The following ANKRD10 variants were observed in gnomAD, a reference collection of about 807,000 sequenced individuals.
ANKRD10 encodes ankyrin repeat domain 10.
In ANKRD10, 14 loss-of-function variants were observed where a neutral mutation model predicts 27.0. The observed-to-expected ratio is 0.52, with a 90% confidence interval of 0.34 to 0.81. The LOEUF is 0.81. ANKRD10 is among the 40% of genes least tolerant of loss of function. The pLI is 0.01. For missense variants in ANKRD10, 493 were observed against 544.0 expected (o/e 0.91, Z 0.93); for synonymous variants, 250 against 224.5 (o/e 1.11, Z -1.01).
At chr13:110,914,004 C>A (rs759351208) in intron 1 of ANKRD10, among the ~76,000 whole-genome samples, 2 of 152,188 alleles carry the variant, frequency 1.3e-5, no homozygotes, top group African/African-American at 4.8e-5. Context: ...GAGAATTCTG[C>A]TTAATTTAAC....
chr13:110,914,537 C>T (rs1025354385), intron 1 of ANKRD10, 188 bp downstream of exon 1: 1 of 790,532 alleles, frequency 1.3e-6, no homozygotes, highest in Non-Finnish European at 1.7e-6. Context: ...CCCCGGCTGC[C>T]CCGCCGCGAC....
At chr13:110,886,879 GACC>G (rs781572169) in intron 4 of ANKRD10, among the ~76,000 whole-genome samples, 22 of 152,182 alleles carry the variant, frequency 1.4e-4, no homozygotes, top group Non-Finnish European at 2.9e-4. Context: ...ATGTTAGTAT[GACC>G]ACTTTTTTCA....
chr13:110,880,162 G>A lies in ANKRD10; in HGVS notation c.788-50C>T, dbSNP rs780703108. The A allele has an allele frequency of 2.0e-5, 30 of 1,479,010 alleles. No homozygotes were observed. In the South Asian group the frequency reaches 3.1e-4, roughly 15 times the overall value. 91.6% of individuals were successfully genotyped at this position (1,479,010 alleles called of 1,614,324 possible). On this transcript the variant is annotated intron_variant, in intron 5 of 5. Transcript: ENST00000267339. ...CCAAAATTCAGAACCAATGAGGGAG[G>A]AGAAACTATAAAATGCTTCACTGCC...
intron 3 of ANKRD10, among the ~76,000 whole-genome samples, chr13:110,896,755 T>A (rs1451375261): frequency 6.6e-6 from 1 of 152,254 alleles, no homozygotes; most frequent in Non-Finnish European, 1.5e-5. Context: ...GCTTTATTTA[T>A]GAACACTGAA....
chr13:110,913,747 A>AT (rs1439240086), intron 1 of ANKRD10, among the ~76,000 whole-genome samples: 1 of 152,186 alleles, frequency 6.6e-6, no homozygotes, highest in Non-Finnish European at 1.5e-5. Flanking sequence ...ACCCCATCTC[A>AT]TCACTTACGA....
chr13:110,891,774 G>A (rs983003109), intron 4 of ANKRD10, among the ~76,000 whole-genome samples: 5 of 151,474 alleles, frequency 3.3e-5, no homozygotes, highest in African/African-American at 1.2e-4. Context: ...CAGCAAATCT[G>A]AGCTCATAAT....
rs759619983 is a variant in ANKRD10 at position 110,879,916 on chromosome 13, A to G, written c.984T>C (p.Ile328=). ...TCTTCTCTGGCTCCTCAGTCCCACT[A>G]ATGCAGAGAGAACCCTGGCTACTCG... ...PFPSSQGSLC[I]SGTEEPEKTL... Residue 328 remains isoleucine, a synonymous_variant, in exon 6 of 6, where the codon ATT becomes ATC. Coordinates refer to ENST00000267339, the MANE Select transcript of ANKRD10 (RefSeq NM_017664.4). 1.9e-6 allele frequency: 3 copies of G among 1,614,182 alleles called. No homozygotes were observed. Among genetic ancestry groups the G allele is most frequent in the East Asian group, 4.5e-5 (2 of 44,884 alleles).
intron 3 of ANKRD10, among the ~76,000 whole-genome samples, chr13:110,897,850 G>A (rs569351027): frequency 1.3e-4 from 20 of 152,224 alleles, no homozygotes; most frequent in Admixed American, 3.9e-4. Flanking sequence ...CTGCATTCTC[G>A]TCAGCATTTG....
intron 1 of ANKRD10, chr13:110,914,390 G>GCTCGCACA (rs2065819567): frequency 5.3e-6 from 1 of 188,238 alleles, no homozygotes. Flanking sequence ...GCGCGCGCGC[G>GCTCGCACA]CTCGCACAGG....
chr13:110,883,570 G>A (rs2064857757), intron 5 of ANKRD10, 128 bp downstream of exon 5: 1 of 1,425,592 alleles, frequency 7.0e-7, no homozygotes, highest in South Asian at 1.7e-5. Context: ...TGCAACGACA[G>A]GGGGTCTGCA....
In ANKRD10 at chr13:110,887,099, C is replaced by T. The variant is rs183248038; in HGVS notation, c.692-3306G>A. 1.4e-3 allele frequency among the ~76,000 whole-genome samples: 215 copies of T among 152,306 alleles called. 2 individuals are homozygous for T. Among genetic ancestry groups the T allele is most frequent in the African/African-American group, 4.6e-3 (190 of 41,564 alleles). On this transcript the variant is annotated intron_variant, in intron 4 of 5. Transcript: ENST00000267339. The stretch of plus-strand genomic sequence containing the variant: ...AGTGAGAACTAGAGCCAGTAGAGCA[C>T]GCCTCTGGCTGAGAAACCCACATTC...
At chr13:110,906,205 CAG>C (rs1396014466) in intron 2 of ANKRD10, 81 bp from the exon 3 acceptor site, 9 of 1,051,592 alleles carry the variant, frequency 8.6e-6, no homozygotes, top group Non-Finnish European at 1.2e-5. Context: ...TAACACAGAT[CAG>C]AGACCTTCTC....
rs1439335508 is a variant in ANKRD10, at chr13:110,915,057, G to C, written c.-123C>G. ...CCGCGGTCGCGTCCCACAGGCTGCC[G>C]AGCGGAGCGCGCACAGAGGGGGCGG... On this transcript the variant is annotated 5_prime_UTR_variant, in exon 1 of 6. Coordinates refer to ENST00000267339, the MANE Select transcript of ANKRD10 (RefSeq NM_017664.4). The C allele has an allele frequency of 6.4e-6, 9 of 1,414,402 alleles. No individual in the cohort carries two copies. Among genetic ancestry groups the C allele is most frequent in the African/African-American group, 3.0e-5 (2 of 66,632 alleles). 87.6% of individuals were successfully genotyped at this position (1,414,402 alleles called of 1,614,324 possible).
chr13:110,895,735 T>G (rs778242022), intron 3 of ANKRD10, among the ~76,000 whole-genome samples: 3 of 152,224 alleles, frequency 2.0e-5, no homozygotes, highest in Non-Finnish European at 4.4e-5. Context: ...GAATTTGGGT[T>G]AGAACAGCAA....
At chr13:110,911,451 C>T (rs1371879445) in intron 1 of ANKRD10, among the ~76,000 whole-genome samples, 1 of 148,692 alleles carries the variant, frequency 6.7e-6, no homozygotes, top group Non-Finnish European at 1.5e-5. Context: ...GTCTCCATCT[C>T]AAACACCAAC....
intron 4 of ANKRD10, among the ~76,000 whole-genome samples, chr13:110,884,935 T>A (rs1158356710): frequency 2.6e-5 from 4 of 152,100 alleles, no homozygotes; most frequent in Non-Finnish European, 5.9e-5. Flanking sequence ...GTATATATGA[T>A]ATCTGGATTA....
intron 3 of ANKRD10, chr13:110,903,989 T>C (rs1382248849): frequency 1.3e-5 from 2 of 152,214 alleles, no homozygotes; most frequent in Non-Finnish European, 2.9e-5. Context: ...CTGTTACACG[T>C]TGGTGGACTA....
intron 3 of ANKRD10, among the ~76,000 whole-genome samples, chr13:110,905,633 GTC>G (rs1278979476): frequency 6.6e-6 from 1 of 152,160 alleles, no homozygotes; most frequent in African/African-American, 2.4e-5. Context: ...AGCCAGAGAG[GTC>G]TGAAAAGATA....
chr13:110,891,767 C>T (rs1026789128), intron 4 of ANKRD10, among the ~76,000 whole-genome samples: 1 of 151,786 alleles, frequency 6.6e-6, no homozygotes, highest in African/African-American at 2.4e-5. Flanking sequence ...TTATACTCAG[C>T]AAATCTGAGC....
Sources: gnomAD v4.1 joint callset for allele counts (sites outside exome capture counted in the v4.1 genomes callset) on GRCh38, gnomAD v4.1.1 for gene constraint, MANE v1.5 for transcripts, NCBI Gene and HGNC (gene_info 2026-07-23, HGNC 2026-07-21) for gene names.